Variants in LAMP3 observed in about 807,000 individuals in gnomAD.
LAMP3 encodes lysosome associated membrane protein 3, also known as lysosome-associated membrane glycoprotein 3.
In LAMP3, 26 loss-of-function variants were observed where a neutral mutation model predicts 34.8. The ratio of observed to expected loss-of-function variants is 0.75; its 90% CI spans 0.55 to 1.04. The LOEUF (loss-of-function observed/expected upper bound fraction) is 1.04. Ranked by LOEUF, LAMP3 falls within the 50% of genes least tolerant of loss-of-function variation. The pLI is 0.00. For missense variants in LAMP3, 495 were observed against 524.0 expected, an observed-to-expected ratio of 0.94 and a Z score of 0.54; for synonymous variants, 180 against 201.9, an observed-to-expected ratio of 0.89 and a Z score of 0.92.
chr3:183,126,534 A>ATGTGTGTGTG lies in LAMP3; in HGVS notation c.1118-2330_1118-2321dup, dbSNP rs111747229. Among the ~76,000 whole-genome samples, 66 of 149,750 alleles carry ATGTGTGTGTG rather than the reference A, an allele frequency of 4.4e-4. 1 individual carries two copies. The highest frequency in any genetic ancestry group is 1.5e-3 in the African/African-American group (62 of 40,798). ...TTTTGGGCATGTAGTTCCTCTGTGAATGTGTGTGTGTGTGTGTGTGTGTGT... is the reference window on the plus strand; with the variant it reads ...TTTTGGGCATGTAGTTCCTCTGTGAATGTGTGTGTGTGTGTGTGTGTGTGTGTGTGTGTGT... On this transcript the variant is annotated intron_variant, in intron 5 of 5. Coordinates refer to ENST00000265598, the MANE Select transcript of LAMP3 (RefSeq NM_014398.4).
At chr3:183,145,970 A>G (rs1720427772) in intron 3 of LAMP3, among the ~76,000 whole-genome samples, 1 of 152,262 alleles carries the variant, frequency 6.6e-6, no homozygotes, top group African/African-American at 2.4e-5. Flanking sequence ...GTAGGTGCTC[A>G]GTAAATTCTT....
intron 3 of LAMP3, among the ~76,000 whole-genome samples, chr3:183,141,547 C>G (rs1720283393): frequency 1.3e-5 from 2 of 152,132 alleles, no homozygotes; most frequent in African/African-American, 4.8e-5. Context: ...AAATCAAAAC[C>G]TGAAATTGAA....
rs1719719248 is a variant in LAMP3, at chr3:183,123,682, A to G, written c.*399T>C. On this transcript the variant is annotated 3_prime_UTR_variant, in exon 6 of 6. Transcript: ENST00000265598. ...TGAAAGTCCATTTGATAACAAAGCA[A>G]AGGCTTTGTTAAGATCAAGGGTAAA... 1 of 172,008 alleles carries G rather than the reference A, an allele frequency of 5.8e-6. No homozygotes were observed. Among genetic ancestry groups the G allele is most frequent in the Non-Finnish European group, 1.2e-5 (1 of 80,116 alleles). The allele number at this position is 172,008 out of a possible 1,614,324, so 10.7% of individuals were successfully genotyped here.
chr3:183,153,174 C>CAAAAAAAAAA (rs750659929), intron 2 of LAMP3, among the ~76,000 whole-genome samples: 1 of 46,706 alleles, frequency 2.1e-5, no homozygotes, highest in African/African-American at 7.9e-5. Context: ...GACTCCGTCT[C>CAAAAAAAAAA]AAAAAAAAAA....
At chr3:183,129,889 C>T (rs1236606054) in intron 5 of LAMP3, among the ~76,000 whole-genome samples, 19 of 152,066 alleles carry the variant, frequency 1.2e-4, no homozygotes, top group Admixed American at 1.2e-3. Context: ...AAAATGAGGT[C>T]ATTAGGGTGG....
chr3:183,131,652 G>A (rs1719926142), intron 5 of LAMP3, among the ~76,000 whole-genome samples: 1 of 152,162 alleles, frequency 6.6e-6, no homozygotes, highest in Non-Finnish European at 1.5e-5. Flanking sequence ...GAGCAAAAAT[G>A]CCTCCTGGGA....
At chr3:183,135,580 T>G in intron 5 of LAMP3, 137 bp downstream of exon 5, 11 of 833,190 alleles carry the variant, frequency 1.3e-5, no homozygotes, top group South Asian at 3.4e-5. Flanking sequence ...CCTGGCCCTG[T>G]GAGCTATGTG....
At position 183,152,503 on chromosome 3, in the gene LAMP3, C is replaced by A. The variant is rs34096850; in HGVS notation, c.760G>T (p.Val254Phe). The A allele has an allele frequency of 2.4e-4, 380 of 1,607,884 alleles. 4 individuals carry two copies. The Admixed American group carries it at 6.5e-3, about 27-fold the overall frequency. ...IQLIVQDKES[V>F]FSPRRYFNID... ...TTGAAGTATCTCCGAGGTGAAAAAA[C>A]CTAAATCAAGTTAGATAGATCAGCT... The change falls in exon 3 of 6, where the codon GTT becomes TTT. Residue 254 changes from valine (V) to phenylalanine (F), a missense_variant and splice_region_variant. Physicochemically the swap from Val to Phe is conservative, Grantham distance 50. Coordinates refer to ENST00000265598, the MANE Select transcript of LAMP3 (RefSeq NM_014398.4).
intron 5 of LAMP3, among the ~76,000 whole-genome samples, chr3:183,129,730 C>A (rs1416305040): frequency 6.6e-6 from 1 of 152,106 alleles, no homozygotes; most frequent in Non-Finnish European, 1.5e-5. Flanking sequence ...ATTATGTTTT[C>A]TTTGTATTTT....
At chr3:183,129,567 T>C (rs1719859296) in intron 5 of LAMP3, among the ~76,000 whole-genome samples, 1 of 152,180 alleles carries the variant, frequency 6.6e-6, no homozygotes, top group Admixed American at 6.6e-5. Flanking sequence ...CTCTGACTGT[T>C]TCTATACATT....
intron 3 of LAMP3, among the ~76,000 whole-genome samples, chr3:183,146,929 C>T (rs1720461574): frequency 6.6e-6 from 1 of 151,792 alleles, no homozygotes; most frequent in Non-Finnish European, 1.5e-5. Flanking sequence ...CTGGCAATAC[C>T]ACCCTCTCCT....
chr3:183,149,225 G>T (rs1404516565), intron 3 of LAMP3, among the ~76,000 whole-genome samples: 3 of 151,952 alleles, frequency 2.0e-5, no homozygotes. Context: ...GGGAAAAGGG[G>T]ATGGTTAATG....
intron 5 of LAMP3, among the ~76,000 whole-genome samples, chr3:183,129,167 A>C (rs1452739406): frequency 1.3e-5 from 2 of 152,210 alleles, no homozygotes; most frequent in Non-Finnish European, 2.9e-5. Context: ...TTGGAGGTCA[A>C]CTTTAACTTT....
chr3:183,131,844 G>A (rs1206608936), intron 5 of LAMP3: 1 of 785,724 alleles, frequency 1.3e-6, no homozygotes, highest in Non-Finnish European at 1.5e-6. Flanking sequence ...CCCCATCAAT[G>A]TAATAGGAAA....
At chr3:183,142,944 G>A (rs775328065) in intron 3 of LAMP3, among the ~76,000 whole-genome samples, 3 of 152,118 alleles carry the variant, frequency 2.0e-5, no homozygotes, top group Non-Finnish European at 2.9e-5. Flanking sequence ...AAGAATCTGC[G>A]CTTTCTAGGG....
intron 3 of LAMP3, among the ~76,000 whole-genome samples, chr3:183,141,164 A>G (rs1720273021): frequency 6.6e-6 from 1 of 152,182 alleles, no homozygotes; most frequent in South Asian, 2.1e-4. Context: ...GGCTTTACAC[A>G]GATTAATGGG....
intron 5 of LAMP3, among the ~76,000 whole-genome samples, chr3:183,129,308 C>A (rs1236020453): frequency 6.6e-6 from 1 of 152,152 alleles, no homozygotes; most frequent in African/African-American, 2.4e-5. Context: ...TTGGGACATG[C>A]TCTTTTAATC....
chr3:183,152,618 G>C, intron 2 of LAMP3, 115 bp from the exon 3 acceptor site: 2 of 876,356 alleles, frequency 2.3e-6, no homozygotes, highest in Non-Finnish European at 3.4e-6. Context: ...ATTCGCTGGA[G>C]AACTGCAAAG....
intron 5 of LAMP3, among the ~76,000 whole-genome samples, chr3:183,126,529 T>C (rs1417269441): frequency 2.2e-5 from 3 of 136,120 alleles, no homozygotes; most frequent in African/African-American, 3.4e-5. Context: ...GTAGTTCCTC[T>C]GTGAATGTGT....
Sources: allele counts gnomAD v4.1 joint callset (sites outside exome capture counted in the v4.1 genomes callset), GRCh38; gene constraint gnomAD v4.1.1; transcripts MANE v1.5; gene names NCBI Gene and HGNC (gene_info 2026-07-23, HGNC 2026-07-21).